Variants in SESTD1 observed in about 807,000 individuals in gnomAD.
SESTD1 encodes the protein SEC14 domain and spectrin repeat-containing protein 1.
SESTD1 carries 43 observed loss-of-function variants against 101.7 expected under a neutral mutation model. That is an observed-to-expected ratio of 0.42 (90% CI 0.33 to 0.55). The LOEUF is 0.55. Among genes scored for constraint, SESTD1 ranks in the 20% least tolerant of loss-of-function variants. The pLI, the probability that SESTD1 is intolerant of heterozygous loss-of-function variation, is 0.07. For synonymous variants in SESTD1, 283 were observed against 286.8 expected (o/e 0.99, Z 0.13); for missense variants, 647 against 815.1 (o/e 0.79, Z 2.51).
At chr2:179,229,293 C>G (rs2046939583) in intron 1 of SESTD1, among the ~76,000 whole-genome samples, 1 of 152,130 alleles carries the variant, frequency 6.6e-6, no homozygotes, top group African/African-American at 2.4e-5. Context: ...AGAGCCCAAA[C>G]AGAACAAAAG....
At chr2:179,131,875 C>T (rs1647027247) in intron 10 of SESTD1, among the ~76,000 whole-genome samples, 1 of 152,152 alleles carries the variant, frequency 6.6e-6, no homozygotes. Context: ...TCTGGACTTA[C>T]TCTCCATCAG....
chr2:179,167,754 TTTAA>T (rs913932150), intron 5 of SESTD1, among the ~76,000 whole-genome samples: 2 of 152,126 alleles, frequency 1.3e-5, no homozygotes, highest in Non-Finnish European at 2.9e-5. Context: ...TTTAATTTTA[TTTAA>T]TTTTTACTTT....
intron 5 of SESTD1, among the ~76,000 whole-genome samples, chr2:179,171,020 T>C (rs545050697): frequency 6.6e-6 from 1 of 152,236 alleles, no homozygotes; most frequent in African/African-American, 2.4e-5. Flanking sequence ...TTACTAAACC[T>C]GAGAAGGGGC....
At chr2:179,125,962 C>CCTAT (rs1249888850) in intron 10 of SESTD1, among the ~76,000 whole-genome samples, 13 of 152,294 alleles carry the variant, frequency 8.5e-5, no homozygotes, top group African/African-American at 3.1e-4. Flanking sequence ...TGCATTACAG[C>CCTAT]CTATCTCTGT....
chr2:179,153,826 G>C (rs1275055478), intron 5 of SESTD1, among the ~76,000 whole-genome samples: 2 of 152,070 alleles, frequency 1.3e-5, no homozygotes, highest in African/African-American at 4.8e-5. Context: ...TATGTGACAA[G>C]TTACACATCA....
chr2:179,227,415 G>C (rs2046904338), intron 1 of SESTD1, among the ~76,000 whole-genome samples: 1 of 152,052 alleles, frequency 6.6e-6, no homozygotes. Context: ...ATCCACAAAA[G>C]AAGCACAGAG....
chr2:179,244,053 C>T (rs1250585587), intron 1 of SESTD1, among the ~76,000 whole-genome samples: 1 of 151,468 alleles, frequency 6.6e-6, no homozygotes, highest in East Asian at 1.9e-4. Flanking sequence ...AGCCCAGGAC[C>T]TTGGGGCTGC....
At chr2:179,118,562 A>C (rs2044684618) in intron 13 of SESTD1, among the ~76,000 whole-genome samples, 1 of 152,152 alleles carries the variant, frequency 6.6e-6, no homozygotes, top group African/African-American at 2.4e-5. Context: ...TTTTTTTAAA[A>C]AAAAATAAAG....
In SESTD1 at chr2:179,202,639, T is replaced by C. The variant is rs1405451570; in HGVS notation, c.-25-10773A>G. Among the ~76,000 whole-genome samples the C allele has an allele frequency of 5.9e-5, 8 of 135,208 alleles. 1 individual carries two copies. The highest frequency in any genetic ancestry group is 5.7e-4 in the Admixed American group (8 of 13,934). The allele number at this position is 135,208 out of a possible 152,430, so 88.7% of individuals were successfully genotyped here. A position where few individuals can be genotyped will look rare whatever the true frequency, so the allele number is the denominator to read the frequency against. ...ATGGGTTTCCAATAAGGAAAAACAGTCACAAAGCAAGAGGTTTGTCTCCCT... is the reference window on the plus strand; with the variant it reads ...ATGGGTTTCCAATAAGGAAAAACAGCCACAAAGCAAGAGGTTTGTCTCCCT... On this transcript the variant is annotated intron_variant, in intron 1 of 17. Coordinates refer to ENST00000428443, the MANE Select transcript of SESTD1 (RefSeq NM_178123.5).
intron 5 of SESTD1, among the ~76,000 whole-genome samples, chr2:179,164,873 AATTTT>A (rs1398266494): frequency 2.6e-5 from 4 of 152,230 alleles, no homozygotes; most frequent in Non-Finnish European, 5.9e-5. Flanking sequence ...CAGATAATTT[AATTTT>A]AAGGTAAAAC....
rs571480272 is a variant in SESTD1 at position 179,202,393 on chromosome 2, T to C, written c.-25-10527A>G. The stretch of plus-strand genomic sequence containing the variant: ...TAATGTTAACATTAGCATAATATTT[T>C]AATGTTTCAACTTTAAGTCAAAAAA... On this transcript the variant is annotated intron_variant, in intron 1 of 17. Transcript: ENST00000428443. 4.5e-5 allele frequency among the ~76,000 whole-genome samples: 6 copies of C among 134,526 alleles called. 1 individual carries two copies. Among genetic ancestry groups the C allele is most frequent in the Admixed American group, 4.3e-4 (6 of 13,818 alleles). 88.3% of individuals were successfully genotyped at this position (134,526 alleles called of 152,430 possible).
At chr2:179,133,545 G>A (rs1052229115) in intron 9 of SESTD1, among the ~76,000 whole-genome samples, 2 of 151,988 alleles carry the variant, frequency 1.3e-5, no homozygotes, top group Non-Finnish European at 2.9e-5. Context: ...TGGAAAAAAT[G>A]GTATTACCAA....
intron 5 of SESTD1, among the ~76,000 whole-genome samples, chr2:179,159,372 C>T (rs538321333): frequency 1.3e-5 from 2 of 152,280 alleles, no homozygotes. Context: ...CAACTCCACT[C>T]CAATGATGGC....
chr2:179,229,996 T>C (rs1487860011), intron 1 of SESTD1, among the ~76,000 whole-genome samples: 1 of 149,602 alleles, frequency 6.7e-6, no homozygotes, highest in East Asian at 2.0e-4. Context: ...TCTTCATCTA[T>C]ATAAAATTTC....
chr2:179,210,801 T>C (rs1190644739), intron 1 of SESTD1, among the ~76,000 whole-genome samples: 1 of 134,246 alleles, frequency 7.4e-6, no homozygotes, highest in African/African-American at 2.9e-5. Flanking sequence ...TTTAACCATT[T>C]CCATTCAACA....
At chr2:179,117,450 A>G (rs1314712648) in intron 14 of SESTD1, 82 bp downstream of exon 14, 12 of 1,283,900 alleles carry the variant, frequency 9.3e-6, no homozygotes, top group Non-Finnish European at 1.3e-5. Flanking sequence ...TAGGACCATG[A>G]AAAGTACACT....
rs956086631 is a variant in SESTD1, at chr2:179,233,807, C to CGT, written c.-26+30690_-26+30691dup. 7.1e-4 allele frequency among the ~76,000 whole-genome samples: 108 copies of CGT among 152,116 alleles called. 1 individual carries two copies. The highest frequency in any genetic ancestry group is 2.5e-3 in the African/African-American group (103 of 41,494). On this transcript the variant is annotated intron_variant, in intron 1 of 17. Transcript: ENST00000428443. ...ACAGGGATACATGCATGCATGCATG[C>CGT]GTGTGTGTGCACATGGCCTGGCATG... is the stretch of plus-strand genomic sequence containing the variant.
At chr2:179,232,454 A>G (rs1213279054) in intron 1 of SESTD1, among the ~76,000 whole-genome samples, 2 of 152,096 alleles carry the variant, frequency 1.3e-5, no homozygotes, top group African/African-American at 4.8e-5. Flanking sequence ...TTTTTAAGTA[A>G]ATGAACAAGG....
chr2:179,251,927 T>C (rs1445939712), intron 1 of SESTD1, among the ~76,000 whole-genome samples: 3 of 152,168 alleles, frequency 2.0e-5, no homozygotes, highest in African/African-American at 7.2e-5. Flanking sequence ...CCACCCAGAA[T>C]ATGGTATTCT....
Sources: allele counts gnomAD v4.1 joint callset (sites outside exome capture counted in the v4.1 genomes callset), GRCh38; gene constraint gnomAD v4.1.1; transcripts MANE v1.5; gene names NCBI Gene and HGNC (gene_info 2026-07-23, HGNC 2026-07-21).